The following CSMD1 variants were observed in gnomAD, a reference collection of about 807,000 sequenced individuals.
CSMD1 encodes the protein CUB and Sushi multiple domains 1, also known as CUB and sushi domain-containing protein 1.
CSMD1 carries 213 observed loss-of-function variants against 417.5 expected under a neutral mutation model. That is an observed-to-expected ratio of 0.51 (90% CI 0.46 to 0.57). The LOEUF is 0.57. Ranked by LOEUF, CSMD1 falls within the 20% of genes least tolerant of loss-of-function variation. CSMD1 has a pLI of 0.00. For synonymous variants in CSMD1, 2,862 were observed against 1,736.8 expected (o/e 1.65, Z -16.11); for missense variants, 6,923 against 4,529.7 (o/e 1.53, Z -15.17).
intron 37 of CSMD1, among the ~76,000 whole-genome samples, chr8:3,177,895 G>C (rs1040111104): frequency 6.6e-6 from 1 of 152,124 alleles, no homozygotes; most frequent in Non-Finnish European, 1.5e-5. Flanking sequence ...TATGTATTTT[G>C]TCTTGGTTTC....
intron 5 of CSMD1, among the ~76,000 whole-genome samples, chr8:3,888,100 C>A (rs2627349): frequency 6.6e-6 from 1 of 152,150 alleles, no homozygotes; most frequent in African/African-American, 2.4e-5. Context: ...AATTAAAAAC[C>A]AACGCTCCTT....
chr8:3,273,072 T>G (rs376144037), intron 26 of CSMD1, among the ~76,000 whole-genome samples: 4 of 152,066 alleles, frequency 2.6e-5, no homozygotes, highest in African/African-American at 9.7e-5. Flanking sequence ...GTGGGTTTGT[T>G]ATAGATAGCT....
chr8:3,021,441 T>G (rs1459203107), intron 51 of CSMD1, among the ~76,000 whole-genome samples: 2 of 152,222 alleles, frequency 1.3e-5, no homozygotes, highest in Non-Finnish European at 2.9e-5. Flanking sequence ...ATAGGCTTTG[T>G]CATACACCGA....
intron 1 of CSMD1, among the ~76,000 whole-genome samples, chr8:4,967,545 T>A (rs1285359890): frequency 1.3e-5 from 2 of 152,146 alleles, no homozygotes; most frequent in African/African-American, 4.8e-5. Context: ...GCCAATATTT[T>A]CCCCCATGCA....
intron 30 of CSMD1, among the ~76,000 whole-genome samples, chr8:3,205,851 G>T (rs527341477): frequency 6.6e-6 from 1 of 152,054 alleles, no homozygotes; most frequent in Non-Finnish European, 1.5e-5. Flanking sequence ...CAAGACATTT[G>T]TCTCAGATGT....
chr8:4,529,192 G>A (rs1385041051), intron 2 of CSMD1, among the ~76,000 whole-genome samples: 2 of 152,098 alleles, frequency 1.3e-5, no homozygotes, highest in African/African-American at 4.8e-5. Flanking sequence ...GAAGCCATGA[G>A]GTCAAAACTC....
chr8:4,529,469 T>C (rs2130445843), intron 2 of CSMD1, among the ~76,000 whole-genome samples: 1 of 152,332 alleles, frequency 6.6e-6, no homozygotes, highest in South Asian at 2.1e-4. Context: ...ATGCAACTCA[T>C]AAAATTTAAT....
chr8:3,780,201 A>T (rs73658259), intron 5 of CSMD1, among the ~76,000 whole-genome samples: 22,096 of 152,212 alleles, frequency 0.15, 2,234 homozygotes, highest in African/African-American at 0.27. Context: ...AGCATCCTTT[A>T]TCTCCCTCTG....
intron 10 of CSMD1, among the ~76,000 whole-genome samples, chr8:3,537,507 C>T (rs1173066170): frequency 6.6e-6 from 1 of 152,124 alleles, no homozygotes; most frequent in Non-Finnish European, 1.5e-5. Context: ...GACATTGGTT[C>T]ATAAATGTTT....
intron 3 of CSMD1, among the ~76,000 whole-genome samples, chr8:4,397,121 C>G (rs949586981): frequency 6.6e-6 from 1 of 152,118 alleles, no homozygotes; most frequent in Non-Finnish European, 1.5e-5. Flanking sequence ...TAACCATCTG[C>G]ACGCCATCAC....
At chr8:3,844,719 T>TG (rs1803374695) in intron 5 of CSMD1, among the ~76,000 whole-genome samples, 1 of 152,174 alleles carries the variant, frequency 6.6e-6, no homozygotes. Flanking sequence ...TCTGATAAAC[T>TG]GAAATACAGA....
At chr8:4,654,142 C>T (rs998398227) in intron 1 of CSMD1, among the ~76,000 whole-genome samples, 1 of 152,114 alleles carries the variant, frequency 6.6e-6, no homozygotes. Flanking sequence ...GCTGCAATTT[C>T]TATTTCTCAA....
At chr8:3,834,688 G>A (rs183568567) in intron 5 of CSMD1, among the ~76,000 whole-genome samples, 1 of 152,100 alleles carries the variant, frequency 6.6e-6, no homozygotes, top group African/African-American at 2.4e-5. Flanking sequence ...AGAACGTGTA[G>A]TTGGTGTCAA....
At chr8:4,391,578 C>G (rs931291086) in intron 3 of CSMD1, among the ~76,000 whole-genome samples, 8 of 151,994 alleles carry the variant, frequency 5.3e-5, no homozygotes, top group African/African-American at 1.7e-4. Flanking sequence ...TGACTTTCAG[C>G]TACCCTATTT....
chr8:4,167,949 G>A (rs1385456003), intron 3 of CSMD1, among the ~76,000 whole-genome samples: 2 of 151,946 alleles, frequency 1.3e-5, no homozygotes, highest in Non-Finnish European at 2.9e-5. Context: ...CCAGCATGGT[G>A]AAACCCTATC....
chr8:3,256,843 C>G (rs575672652), intron 26 of CSMD1, among the ~76,000 whole-genome samples: 5 of 152,086 alleles, frequency 3.3e-5, no homozygotes, highest in South Asian at 2.1e-4. Context: ...TTAATTTTTC[C>G]TTTCCAAGGT....
chr8:3,943,524 G>C (rs1811026498), intron 5 of CSMD1, among the ~76,000 whole-genome samples: 1 of 150,478 alleles, frequency 6.6e-6, no homozygotes, highest in East Asian at 1.9e-4. Context: ...AATGGAATCT[G>C]TACAGAGATT....
At chr8:4,887,461 T>C (rs1259644154) in intron 1 of CSMD1, among the ~76,000 whole-genome samples, 1 of 152,054 alleles carries the variant, frequency 6.6e-6, no homozygotes, top group East Asian at 1.9e-4. Flanking sequence ...TGGCTACTTT[T>C]ACAAACGTTT....
At chr8:3,361,918 T>C (rs1262075516) in intron 20 of CSMD1, among the ~76,000 whole-genome samples, 1 of 152,138 alleles carries the variant, frequency 6.6e-6, no homozygotes, top group East Asian at 1.9e-4. Context: ...CTAAGGATTC[T>C]CTTATATTAA....
Sources: gnomAD v4.1 joint callset for allele counts (sites outside exome capture counted in the v4.1 genomes callset) on GRCh38, gnomAD v4.1.1 for gene constraint, MANE v1.5 for transcripts, NCBI Gene and HGNC (gene_info 2026-07-23, HGNC 2026-07-21) for gene names.